PLPPR1: variants seen among roughly 807,000 people sequenced by gnomAD.
PLPPR1 encodes phospholipid phosphatase related 1.
In PLPPR1, 10 loss-of-function variants were observed where a neutral mutation model predicts 33.1. The observed-to-expected ratio is 0.30, with a 90% CI of 0.19 to 0.51. The LOEUF is 0.51. Ranked by LOEUF, PLPPR1 falls within the 20% of genes least tolerant of loss-of-function variation. The probability of loss-of-function intolerance (pLI) is 0.97; values close to 1 mark genes in which losing one functional copy is unlikely to be tolerated. For missense variants in PLPPR1, 304 were observed against 408.1 expected (o/e 0.74, Z 2.20); for synonymous variants, 151 against 151.0 (o/e 1.00, Z 0.00).
intron 1 of PLPPR1, among the ~76,000 whole-genome samples, chr9:101,156,552 C>CAAAA (rs1162056636): frequency 9.3e-3 from 648 of 69,344 alleles, no homozygotes; most frequent in Middle Eastern, 0.029. Flanking sequence ...ACCCTGTCTC[C>CAAAA]AAAAAAAAAA....
intron 1 of PLPPR1, among the ~76,000 whole-genome samples, chr9:101,174,444 A>G (rs531028770): frequency 2.7e-4 from 41 of 152,208 alleles, no homozygotes; most frequent in Non-Finnish European, 5.7e-4. Context: ...TGACTTGACC[A>G]CTAGCAATTT....
At chr9:101,250,463 G>A (rs1827695451) in intron 2 of PLPPR1, among the ~76,000 whole-genome samples, 1 of 151,964 alleles carries the variant, frequency 6.6e-6, no homozygotes, top group South Asian at 2.1e-4. Flanking sequence ...CTTTCCTACT[G>A]GAAATTTGGC....
rs191330198 is a variant in PLPPR1, at chr9:101,081,183, G to T, written c.-46+52081G>T. 8.7e-4 allele frequency among the ~76,000 whole-genome samples: 132 copies of T among 152,126 alleles called. 1 individual carries two copies. Among genetic ancestry groups the T allele is most frequent in the African/African-American group, 2.3e-3 (94 of 41,494 alleles). On this transcript the variant is annotated intron_variant, in intron 1 of 7. Coordinates refer to ENST00000374874, the MANE Select transcript of PLPPR1 (RefSeq NM_207299.2). ...CTTGCTTGGGATTTAATGTGGTTTG[G>T]GGGGTGGGTGCAGAACTAAGTATGT...
At chr9:101,167,525 T>C (rs557485196) in intron 1 of PLPPR1, among the ~76,000 whole-genome samples, 1 of 152,124 alleles carries the variant, frequency 6.6e-6, no homozygotes, top group African/African-American at 2.4e-5. Flanking sequence ...GATCCTTGGC[T>C]TCTTTCCTCC....
intron 2 of PLPPR1, among the ~76,000 whole-genome samples, chr9:101,203,367 A>T (rs922660931): frequency 5.9e-5 from 9 of 152,154 alleles, no homozygotes; most frequent in African/African-American, 2.2e-4. Flanking sequence ...AGGGGGGGAA[A>T]AAGACTTTAT....
intron 4 of PLPPR1, among the ~76,000 whole-genome samples, chr9:101,291,131 A>G (rs894954643): frequency 2.6e-5 from 4 of 152,154 alleles, no homozygotes; most frequent in Non-Finnish European, 5.9e-5. Context: ...GCACCAGGAG[A>G]TTATATCCCT....
intron 2 of PLPPR1, among the ~76,000 whole-genome samples, chr9:101,222,136 G>GCAGCAACTTGGGAATTGAAGTAGCACCT (rs1228026665): frequency 6.6e-6 from 1 of 152,180 alleles, no homozygotes. Context: ...GGGCAGCCCT[G>GCAGCAACTTGGGAATTGAAGTAGCACCT]CAGCAACTTG....
At chr9:101,059,075 T>TTTTTC (rs374826830) in intron 1 of PLPPR1, among the ~76,000 whole-genome samples, 1 of 152,172 alleles carries the variant, frequency 6.6e-6, no homozygotes, top group Non-Finnish European at 1.5e-5. Flanking sequence ...GTCTGTTTTT[T>TTTTTC]ACCAGCAAGG....
chr9:101,062,840 T>C (rs769736223), intron 1 of PLPPR1, among the ~76,000 whole-genome samples: 3 of 152,098 alleles, frequency 2.0e-5, no homozygotes, highest in Non-Finnish European at 4.4e-5. Flanking sequence ...TTTGGAAATA[T>C]GGTTTACTCT....
At chr9:101,038,256 A>G (rs1830034280) in intron 1 of PLPPR1, among the ~76,000 whole-genome samples, 1 of 152,170 alleles carries the variant, frequency 6.6e-6, no homozygotes, top group Non-Finnish European at 1.5e-5. Flanking sequence ...TATGAAAAGG[A>G]TGACTGTTGC....
At chr9:101,084,421 T>C (rs1830653736) in intron 1 of PLPPR1, among the ~76,000 whole-genome samples, 1 of 152,198 alleles carries the variant, frequency 6.6e-6, no homozygotes, top group South Asian at 2.1e-4. Flanking sequence ...ATGATGATGA[T>C]TTATTTAATG....
At chr9:101,089,700 T>C (rs1830719689) in intron 1 of PLPPR1, among the ~76,000 whole-genome samples, 1 of 152,226 alleles carries the variant, frequency 6.6e-6, no homozygotes, top group African/African-American at 2.4e-5. Context: ...CTTATTTTCA[T>C]TTTGATTTGT....
intron 4 of PLPPR1, among the ~76,000 whole-genome samples, chr9:101,291,963 G>A (rs1223588116): frequency 6.6e-6 from 1 of 152,222 alleles, no homozygotes; most frequent in Non-Finnish European, 1.5e-5. Context: ...CGAGTTGAGA[G>A]AAGAAGGCTT....
intron 4 of PLPPR1, among the ~76,000 whole-genome samples, chr9:101,295,102 G>C (rs1311129688): frequency 1.2e-4 from 19 of 152,054 alleles, no homozygotes; most frequent in Non-Finnish European, 2.4e-4. Context: ...CTTCAGCAAA[G>C]TCTCAGGATA....
chr9:101,121,582 T>C (rs1831179063), intron 1 of PLPPR1, among the ~76,000 whole-genome samples: 1 of 152,212 alleles, frequency 6.6e-6, no homozygotes, highest in South Asian at 2.1e-4. Context: ...ATTTTTTTTG[T>C]CAATGACTGC....
chr9:101,275,501 G>GGA (rs1434763455), intron 3 of PLPPR1, among the ~76,000 whole-genome samples: 2 of 152,170 alleles, frequency 1.3e-5, no homozygotes, highest in Non-Finnish European at 2.9e-5. Flanking sequence ...AGAGCATGGG[G>GGA]GATTTACTGT....
chr9:101,260,194 T>C lies in PLPPR1; in HGVS notation c.64-9686T>C, dbSNP rs543565025. ...GACCCCACCTCCAAATACCATCACA[T>C]TGGGGATTTAGGCTTTGAAATATGA... is the stretch of plus-strand genomic sequence containing the variant. On this transcript the variant is annotated intron_variant, in intron 2 of 7. Transcript: ENST00000374874. 7.2e-5 allele frequency among the ~76,000 whole-genome samples: 11 copies of C among 152,164 alleles called. No individual in the cohort carries two copies. The East Asian group carries it at 2.1e-3, about 29-fold the overall frequency.
intron 1 of PLPPR1, among the ~76,000 whole-genome samples, chr9:101,110,378 A>G (rs963967307): frequency 6.6e-6 from 1 of 152,214 alleles, no homozygotes; most frequent in African/African-American, 2.4e-5. Flanking sequence ...AATAAACACA[A>G]CTATTTAGAT....
chr9:101,064,950 G>T (rs1830393283), intron 1 of PLPPR1, among the ~76,000 whole-genome samples: 2 of 151,996 alleles, frequency 1.3e-5, no homozygotes, highest in Admixed American at 1.3e-4. Context: ...ATCCATGAGG[G>T]CTCTGCCTTT....
Sources: gnomAD v4.1 joint callset for allele counts (sites outside exome capture counted in the v4.1 genomes callset) on GRCh38, gnomAD v4.1.1 for gene constraint, MANE v1.5 for transcripts, NCBI Gene and HGNC (gene_info 2026-07-23, HGNC 2026-07-21) for gene names.